Variants in AKAP13 observed in about 807,000 individuals in gnomAD.
AKAP13 encodes A-kinase anchoring protein 13.
AKAP13 carries 80 observed loss-of-function variants against 264.5 expected under a neutral mutation model. The observed-to-expected ratio is 0.30, with a 90% CI of 0.25 to 0.36. AKAP13 has a LOEUF of 0.36. Ranked by LOEUF, AKAP13 falls within the 10% of genes least tolerant of loss-of-function variation. The probability of loss-of-function intolerance (pLI) is 1.00; values close to 1 mark genes in which losing one functional copy is unlikely to be tolerated. For synonymous variants in AKAP13, 1,380 were observed against 1,250.2 expected, an observed-to-expected ratio of 1.10 and a Z score of -2.19; for missense variants, 3,712 against 3,435.2, an observed-to-expected ratio of 1.08 and a Z score of -2.01.
intron 3 of AKAP13, among the ~76,000 whole-genome samples, chr15:85,525,810 A>G (rs1327539679): frequency 6.6e-6 from 1 of 152,098 alleles, no homozygotes; most frequent in Admixed American, 6.5e-5. Flanking sequence ...TTGGGGTGGG[A>G]TGGGGGCATA....
At chr15:85,439,520 C>T (rs1271757030) in intron 1 of AKAP13, among the ~76,000 whole-genome samples, 4 of 150,734 alleles carry the variant, frequency 2.7e-5, no homozygotes, top group African/African-American at 4.9e-5. Context: ...CACATGCACA[C>T]GTATGTTTAT....
chr15:85,735,371 C>T (rs746845263), intron 31 of AKAP13, among the ~76,000 whole-genome samples, 189 bp from the exon 32 acceptor site: 7 of 152,134 alleles, frequency 4.6e-5, no homozygotes, highest in Non-Finnish European at 1.0e-4. Flanking sequence ...ATACATGTTC[C>T]TGCTTCCATT....
chr15:85,532,432 A>G (rs1462403108), intron 3 of AKAP13, among the ~76,000 whole-genome samples: 1 of 152,222 alleles, frequency 6.6e-6, no homozygotes, highest in Non-Finnish European at 1.5e-5. Flanking sequence ...TTAGCTGTAG[A>G]AGAGCAGTCT....
chr15:85,485,649 G>A, intron 1 of AKAP13, 61 bp from the exon 2 acceptor site: 1 of 1,476,526 alleles, frequency 6.8e-7, no homozygotes, highest in Non-Finnish European at 9.5e-7. Context: ...ACTTTAGGTG[G>A]CTTATATATT....
At chr15:85,483,643 A>ACAAAAC (rs1230625054) in intron 1 of AKAP13, among the ~76,000 whole-genome samples, 5 of 148,492 alleles carry the variant, frequency 3.4e-5, no homozygotes, top group Non-Finnish European at 7.4e-5. Flanking sequence ...AAAAAAAAAA[A>ACAAAAC]AAAAAAAACA....
Position 85,727,699 on chromosome 15 carries a change from T to C in AKAP13, c.7087+236T>C, listed in dbSNP as rs2151743286. 6.6e-6 allele frequency among the ~76,000 whole-genome samples: 1 copy of C among 152,302 alleles called. No homozygotes were observed. The highest frequency in any genetic ancestry group is 1.9e-4 in the East Asian group (1 of 5,184). On this transcript the variant is annotated intron_variant, in intron 29 of 36. Transcript: ENST00000394518. This position sits in a 1 kb window ranked among gnomAD's most constrained non-coding sequence, Gnocchi z 5.3. ...CAGTACTGGATCAAGAGAATATTGA[T>C]TCTCTTGACTCAGGATCCGTGTTCT...
At chr15:85,525,365 T>C (rs1167432770) in intron 3 of AKAP13, among the ~76,000 whole-genome samples, 3 of 152,182 alleles carry the variant, frequency 2.0e-5, no homozygotes, top group Non-Finnish European at 4.4e-5. Flanking sequence ...GCCTGAATTG[T>C]TTAAATGTTT....
chr15:85,743,924 G>T (rs1223224322), intron 36 of AKAP13, 99 bp downstream of exon 36: 2 of 1,367,136 alleles, frequency 1.5e-6, no homozygotes, highest in Non-Finnish European at 1.9e-6. Flanking sequence ...AAAGGGGACA[G>T]TTCAGATGCT....
chr15:85,655,424 A>C lies in AKAP13; in HGVS notation c.4382A>C (p.Glu1461Ala). The C allele has an allele frequency of 6.2e-7, 1 of 1,613,094 alleles. No homozygotes were observed. The highest frequency in any genetic ancestry group is 8.5e-7 in the Non-Finnish European group (1 of 1,179,130). The change falls in exon 11 of 37, where the codon GAA becomes GCA. Residue 1461 changes from glutamate (E) to alanine (A), a missense_variant. This residue lies in a region of AKAP13 where 2,759 missense variants were observed against 2,411.7 expected (regional missense o/e 1.14). Coordinates refer to ENST00000394518, the MANE Select transcript of AKAP13 (RefSeq NM_007200.5). ...MDSIIFPKPE[E>A]EHLACDITGS... ...GCTTTCTCTCCATTACAGCCAGAGGAAGAGCATTTGGCCTGTGATATCACC... is the reference window on the plus strand; with the variant it reads ...GCTTTCTCTCCATTACAGCCAGAGGCAGAGCATTTGGCCTGTGATATCACC...
chr15:85,494,852 A>C (rs1038047237), intron 2 of AKAP13, among the ~76,000 whole-genome samples: 2 of 152,158 alleles, frequency 1.3e-5, no homozygotes, highest in African/African-American at 2.4e-5. Context: ...TTCAGAACAA[A>C]TGGGCTAAGT....
intron 1 of AKAP13, among the ~76,000 whole-genome samples, chr15:85,456,017 C>G (rs1365167767): frequency 1.3e-5 from 2 of 152,176 alleles, no homozygotes; most frequent in Non-Finnish European, 2.9e-5. Context: ...AAAAAGCACT[C>G]TTTTATATAC....
At chr15:85,461,838 T>C (rs1255827697) in intron 1 of AKAP13, among the ~76,000 whole-genome samples, 1 of 152,232 alleles carries the variant, frequency 6.6e-6, no homozygotes, top group Non-Finnish European at 1.5e-5. Flanking sequence ...TGGGAGTTTA[T>C]GTTTTCTCAG....
chr15:85,606,893 C>G (rs1312219721), intron 8 of AKAP13, among the ~76,000 whole-genome samples: 1 of 152,122 alleles, frequency 6.6e-6, no homozygotes, highest in African/African-American at 2.4e-5. Context: ...GAGCTAGATG[C>G]TCTTTACCCC....
chr15:85,642,745 G>A (rs1043982893), intron 9 of AKAP13, among the ~76,000 whole-genome samples: 1 of 152,142 alleles, frequency 6.6e-6, no homozygotes, highest in Non-Finnish European at 1.5e-5. Flanking sequence ...TTCCTCCCAG[G>A]GCTGAATCTG....
chr15:85,722,271 A>G lies in AKAP13; in HGVS notation c.6420A>G (p.Pro2140=). 1.9e-6 allele frequency: 3 copies of G among 1,613,908 alleles called. No homozygotes were observed. The highest frequency in any genetic ancestry group is 1.7e-6 in the Non-Finnish European group (2 of 1,179,886). The change falls in exon 25 of 37, where the codon CCA becomes CCG. Residue 2140 remains proline (P), a synonymous_variant. Transcript: ENST00000394518. ...SSSVVRRLGI[P]ECILLVTQRI... ...CAGTTGTTAGAAGGCTTGGAATTCC[A>G]GAGTGCATATTGCTTGTAACTCAGC...
At chr15:85,513,452 T>G (rs1319076952) in intron 2 of AKAP13, among the ~76,000 whole-genome samples, 1 of 152,198 alleles carries the variant, frequency 6.6e-6, no homozygotes, top group Non-Finnish European at 1.5e-5. Context: ...AAAATAATTT[T>G]ATAAAGAGTT....
Position 85,579,140 on chromosome 15 carries a change from A to G in AKAP13, c.1072A>G (p.Ser358Gly). 6.2e-7 allele frequency: 1 copy of G among 1,614,206 alleles called. No individual in the cohort carries two copies. ...GACTGAAAGTCCCTGTGATTTGTCA[A>G]GCATAGTTGAGGAGGAGAATACAGA... The part of the protein sequence containing the change: ...AQTESPCDLS[S>G]IVEEENTDRS... The change falls in exon 7 of 37, where the codon AGC (serine) becomes GGC (glycine). Residue 358 changes from serine (S) to glycine (G), a missense_variant. Ser to Gly is a moderately conservative substitution (Grantham distance 56, BLOSUM62 0). Around this residue, in one of 3 missense-constraint regions of AKAP13, gnomAD observed 2,759 missense variants for 2,411.7 expected, o/e 1.14. Coordinates refer to ENST00000394518, the MANE Select transcript of AKAP13 (RefSeq NM_007200.5).
chr15:85,421,399 C>G (rs1226464494), intron 1 of AKAP13, among the ~76,000 whole-genome samples: 5 of 152,208 alleles, frequency 3.3e-5, no homozygotes, highest in Non-Finnish European at 7.3e-5. Flanking sequence ...TTGAGAAAGT[C>G]TTCACTGGCT....
intron 1 of AKAP13, among the ~76,000 whole-genome samples, chr15:85,430,982 C>G (rs2073002582): frequency 6.6e-6 from 1 of 152,188 alleles, no homozygotes; most frequent in Non-Finnish European, 1.5e-5. Context: ...TCATCATCAT[C>G]ACTTTTCTCT....
Sources: allele counts gnomAD v4.1 joint callset (sites outside exome capture counted in the v4.1 genomes callset), GRCh38; gene constraint gnomAD v4.1.1; regional missense constraint gnomAD v4.1.1; non-coding constraint Gnocchi (gnomAD v3.1); transcripts MANE v1.5; gene names NCBI Gene and HGNC (gene_info 2026-07-23, HGNC 2026-07-21).